WDR75: variants seen among roughly 807,000 people sequenced by gnomAD.
The protein encoded by WDR75 is WD repeat-containing protein 75.
Under a neutral mutation model 106.1 loss-of-function variants are expected in WDR75, and 52 were observed. The ratio of observed to expected loss-of-function variants is 0.49; its 90% CI spans 0.39 to 0.62. WDR75 has a LOEUF of 0.62. Ranked by LOEUF, WDR75 falls within the 20% of genes least tolerant of loss-of-function variation. The pLI, the probability that WDR75 is intolerant of heterozygous loss-of-function variation, is 0.00. For synonymous variants in WDR75, 333 were observed against 335.5 expected (o/e 0.99, Z 0.08); for missense variants, 905 against 970.3 (o/e 0.93, Z 0.89).
intron 2 of WDR75, chr2:189,449,398 AGT>A: frequency 7.8e-7 from 1 of 1,274,466 alleles, no homozygotes; most frequent in Non-Finnish European, 1.0e-6. Flanking sequence ...ACGGGATCCA[AGT>A]ACATATTTTA....
chr2:189,449,359 T>C (rs28627748), intron 2 of WDR75: 53,830 of 1,293,498 alleles, frequency 0.042, 1,563 homozygotes, highest in African/African-American at 0.14. Flanking sequence ...ATGAGCTACT[T>C]CTAAAAATCA....
At chr2:189,446,450 G>A (rs983423544) in intron 1 of WDR75, among the ~76,000 whole-genome samples, 7 of 152,118 alleles carry the variant, frequency 4.6e-5, no homozygotes, top group South Asian at 2.1e-4. Flanking sequence ...GTTATATATC[G>A]CAAATGCTTT....
rs569887385 is a variant in WDR75, at chr2:189,473,620, G to C, written c.2050-566G>C. ...TAGAGCCCTCTGCTGGGGCTGAGGA[G>C]GAGCTGTGGGGTGCTTTCTAAGTAG... On this transcript the variant is annotated intron_variant, in intron 18 of 20. Coordinates refer to ENST00000314761, the MANE Select transcript of WDR75 (RefSeq NM_032168.3). 1.1e-4 allele frequency among the ~76,000 whole-genome samples: 16 copies of C among 152,322 alleles called. No homozygotes were observed. In the South Asian group the frequency reaches 2.7e-3, roughly 26 times the overall value.
chr2:189,450,752 C>A (rs1558982000), intron 2 of WDR75, 151 bp from the exon 3 acceptor site: 1 of 1,427,306 alleles, frequency 7.0e-7, no homozygotes, highest in East Asian at 2.8e-5. Flanking sequence ...GATTGTTTTG[C>A]AGAAGCAATA....
At chr2:189,460,047 C>G (rs1440022207) in intron 8 of WDR75, among the ~76,000 whole-genome samples, 1 of 152,144 alleles carries the variant, frequency 6.6e-6, no homozygotes, top group Non-Finnish European at 1.5e-5. Context: ...AGTAAAAATA[C>G]CTTTAAAGTA....
rs1243337001 is a variant in WDR75, at chr2:189,450,955, G to T, written c.269G>T (p.Gly90Val). Residue 90 changes from glycine (G) to valine (V), a missense_variant, in exon 3 of 21, where the codon GGC becomes GTC. Gly to Val is a moderately radical substitution (Grantham distance 109). Coordinates refer to ENST00000314761, the MANE Select transcript of WDR75 (RefSeq NM_032168.3). ...GTIKLWDYID[G>V]ILIKTFIVGC... ...ATTAAACTGTGGGACTATATAGATG[G>T]CATCTTAATAAAGGTATGTGGATTG... The T allele has an allele frequency of 1.9e-6, 3 of 1,607,814 alleles. No individual in the cohort carries two copies.
At chr2:189,464,131 G>T in intron 11 of WDR75, 170 bp downstream of exon 11, 1 of 616,074 alleles carries the variant, frequency 1.6e-6, no homozygotes, top group Non-Finnish European at 2.8e-6. Context: ...ATTCCATTGA[G>T]GCCACAGTTG....
At chr2:189,459,446 A>C in intron 8 of WDR75, 22 bp downstream of exon 8, 1 of 1,587,206 alleles carries the variant, frequency 6.3e-7, no homozygotes, top group Non-Finnish European at 8.6e-7. Context: ...TTTAATTATT[A>C]AAATGAACTT....
chr2:189,458,949 G>T, intron 7 of WDR75, 77 bp downstream of exon 7: 1 of 1,435,744 alleles, frequency 7.0e-7, no homozygotes, highest in Non-Finnish European at 9.2e-7. Context: ...GGCTATCTCT[G>T]GGTCCCAAGA....
chr2:189,456,729 C>G (rs1686744360), intron 5 of WDR75, among the ~76,000 whole-genome samples: 1 of 152,084 alleles, frequency 6.6e-6, no homozygotes, highest in Admixed American at 6.6e-5. Context: ...TCAAACATTG[C>G]ATTTTAGTGT....
intron 9 of WDR75, 99 bp downstream of exon 9, chr2:189,462,741 G>A: frequency 8.5e-7 from 1 of 1,182,490 alleles, no homozygotes; most frequent in Non-Finnish European, 1.2e-6. Context: ...ACTAAGAGTA[G>A]CGTATGAGAT....
intron 1 of WDR75, among the ~76,000 whole-genome samples, chr2:189,447,368 C>T (rs1686523453): frequency 1.3e-5 from 2 of 152,222 alleles, no homozygotes; most frequent in Non-Finnish European, 2.9e-5. Context: ...GCAAAGCTAG[C>T]ATTTCAGCAA....
At chr2:189,473,141 T>A (rs1294098522) in intron 18 of WDR75, among the ~76,000 whole-genome samples, 1 of 151,802 alleles carries the variant, frequency 6.6e-6, no homozygotes, top group Non-Finnish European at 1.5e-5. Context: ...CACTGGAACC[T>A]GGGAGATGGC....
chr2:189,472,825 C>G (rs1687142475), intron 18 of WDR75, among the ~76,000 whole-genome samples: 1 of 152,166 alleles, frequency 6.6e-6, no homozygotes, highest in African/African-American at 2.4e-5. Context: ...CTTCCCAAAA[C>G]TTAACCTGAA....
intron 1 of WDR75, among the ~76,000 whole-genome samples, chr2:189,443,963 A>G (rs1203798630): frequency 6.6e-6 from 1 of 152,204 alleles, no homozygotes; most frequent in Non-Finnish European, 1.5e-5. Flanking sequence ...TTTCACAGTC[A>G]GTGTCAATGG....
In WDR75 at chr2:189,475,337, A is replaced by T. The variant is rs370533793; in HGVS notation, c.2413A>T (p.Ile805Leu). The T allele has an allele frequency of 5.5e-5, 89 of 1,612,674 alleles. 1 individual carries two copies. The highest frequency in any genetic ancestry group is 3.0e-4 in the Admixed American group (18 of 59,920). ...TAACACAGGTTTAGGAGAAGACATT[A>T]TACATCAGTTGTCAAAATCTGAAGA... ...TSNTGLGEDI[I>L]HQLSKSEEKE... The change falls in exon 21 of 21, where the codon ATA becomes TTA. Residue 805 changes from isoleucine (I) to leucine (L), a missense_variant. Transcript: ENST00000314761.
At chr2:189,456,960 G>T (rs1169383310) in intron 5 of WDR75, among the ~76,000 whole-genome samples, 1 of 152,054 alleles carries the variant, frequency 6.6e-6, no homozygotes, top group Non-Finnish European at 1.5e-5. Context: ...AACAGTGTTG[G>T]GCCGGGCGCA....
intron 12 of WDR75, among the ~76,000 whole-genome samples, 178 bp downstream of exon 12, chr2:189,465,432 T>G (rs529247763): frequency 9.2e-5 from 14 of 152,148 alleles, no homozygotes; most frequent in Non-Finnish European, 2.1e-4. Context: ...ATTGATGTCC[T>G]CTAAGTCATA....
intron 9 of WDR75, 136 bp from the exon 10 acceptor site, chr2:189,463,558 A>G: frequency 1.6e-6 from 1 of 644,242 alleles, no homozygotes. Flanking sequence ...ATGAGCTAAA[A>G]ATAATAATAA....
Sources: allele counts gnomAD v4.1 joint callset (sites outside exome capture counted in the v4.1 genomes callset), GRCh38; gene constraint gnomAD v4.1.1; transcripts MANE v1.5; gene names NCBI Gene and HGNC (gene_info 2026-07-23, HGNC 2026-07-21).